The following NCKAP5L variants were observed in gnomAD, a reference collection of about 807,000 sequenced individuals.
NCKAP5L encodes nck-associated protein 5-like.
Under a neutral mutation model 103.2 loss-of-function variants are expected in NCKAP5L, and 54 were observed. That is an observed-to-expected ratio of 0.52 (90% CI 0.42 to 0.66). NCKAP5L has a LOEUF of 0.66. Ranked by LOEUF, NCKAP5L falls within the 30% of genes least tolerant of loss-of-function variation. NCKAP5L has a pLI of 0.00. For missense variants in NCKAP5L, 1,733 were observed against 1,750.6 expected (o/e 0.99, Z 0.18); for synonymous variants, 762 against 748.6 (o/e 1.02, Z -0.29).
At chr12:49,826,919 T>G (rs1013124416) in intron 1 of NCKAP5L, among the ~76,000 whole-genome samples, 8 of 152,154 alleles carry the variant, frequency 5.3e-5, no homozygotes, top group African/African-American at 1.9e-4. Flanking sequence ...AGCCACCTCA[T>G]GCACAGACCA....
At chr12:49,803,483 G>A (rs562868383) in intron 3 of NCKAP5L, among the ~76,000 whole-genome samples, 1 of 152,290 alleles carries the variant, frequency 6.6e-6, no homozygotes, top group East Asian at 1.9e-4. Context: ...TGGGAGACGG[G>A]CAGAGGAGGC....
rs772255764 is a variant in NCKAP5L, at chr12:49,795,956, C to T, written c.1904G>A (p.Arg635His). 28 of 1,530,410 alleles carry T rather than the reference C, an allele frequency of 1.8e-5. No individual in the cohort carries two copies. The highest frequency in any genetic ancestry group is 2.3e-5 in the Admixed American group (1 of 44,022). 94.8% of individuals were successfully genotyped at this position (1,530,410 alleles called of 1,614,324 possible). A position where few individuals can be genotyped will look rare whatever the true frequency, so the allele number is the denominator to read the frequency against. Residue 635 changes from arginine to histidine, a missense_variant, in exon 8 of 13, where the codon CGC (arginine) becomes CAC (histidine). Coordinates refer to ENST00000335999, the MANE Select transcript of NCKAP5L (RefSeq NM_001037806.4). Reference protein sequence around the residue: ...KAGSESPHPGRRTPGNSSKKP... With the variant: ...KAGSESPHPGHRTPGNSSKKP... The stretch of plus-strand genomic sequence containing the variant: ...CTTGGATGAGTTGCCTGGGGTCCTG[C>T]GGCCGGGATGGGGAGACTCCGAGCC...
Position 49,793,822 on chromosome 12 carries a change from G to A in NCKAP5L, c.3170C>T (p.Ser1057Phe), listed in dbSNP as rs768180651. 2 of 1,594,602 alleles carry A rather than the reference G, an allele frequency of 1.3e-6. No homozygotes were observed. Among genetic ancestry groups the A allele is most frequent in the Non-Finnish European group, 1.7e-6 (2 of 1,170,942 alleles). Residue 1057 changes from serine to phenylalanine, a missense_variant, in exon 9 of 13, where the codon TCT becomes TTT. By Grantham distance (155) the Ser-to-Phe change is radical. Transcript: ENST00000335999. Reference protein sequence around the residue: ...KPEYGDFQPVSSDPKSPWPAC... With the variant: ...KPEYGDFQPVFSDPKSPWPAC... The stretch of plus-strand genomic sequence containing the variant: ...TGGCCAGGGGCTCTTGGGGTCAGAA[G>A]ACACCGGCTGGAAATCCCCGTACTC...
At chr12:49,808,228 G>A (rs957591438) in intron 1 of NCKAP5L, among the ~76,000 whole-genome samples, 1 of 152,198 alleles carries the variant, frequency 6.6e-6, no homozygotes. Flanking sequence ...GAGAATGGGG[G>A]AGACCCTCCG....
At chr12:49,807,028 A>G (rs1946188051) in intron 1 of NCKAP5L, among the ~76,000 whole-genome samples, 2 of 152,128 alleles carry the variant, frequency 1.3e-5, no homozygotes, top group Admixed American at 1.3e-4. Context: ...TCCGAGTCCC[A>G]GGGCCCTTAC....
chr12:49,793,310 G>A (rs768069372), intron 10 of NCKAP5L, 42 bp downstream of exon 10: 7 of 1,565,232 alleles, frequency 4.5e-6, no homozygotes, highest in Non-Finnish European at 5.2e-6. Context: ...AGTGGGTAGG[G>A]GGGTGGGGGC....
intron 6 of NCKAP5L, 94 bp from the exon 7 acceptor site, chr12:49,798,557 T>G: frequency 9.7e-7 from 1 of 1,031,246 alleles, no homozygotes; most frequent in Non-Finnish European, 1.5e-6. Flanking sequence ...AGTCCGCTCC[T>G]TCACGGAGGA....
chr12:49,803,052 A>G, intron 4 of NCKAP5L, 45 bp downstream of exon 4: 1 of 1,614,118 alleles, frequency 6.2e-7, no homozygotes, highest in Non-Finnish European at 8.5e-7. Context: ...TTCTGCCAGG[A>G]GCAGATGAGC....
In NCKAP5L at chr12:49,796,866, G is replaced by A. The variant is rs1946056303; in HGVS notation, c.994C>T (p.Leu332Phe). The change falls in exon 8 of 13, where the codon CTT becomes TTT. Residue 332 changes from leucine (L) to phenylalanine (F), a missense_variant. Physicochemically the swap from Leu to Phe is conservative, Grantham distance 22 (BLOSUM62 0). Transcript: ENST00000335999. ...ARRQLNLGQL[L>F]EDTESYLQAF... ...TGTAGGTAAGACTCTGTGTCCTCAA[G>A]GAGCTGGCCCAGGTTCAACTGTCTG... is the stretch of plus-strand genomic sequence containing the variant. 6.2e-7 allele frequency: 1 copy of A among 1,612,722 alleles called. No homozygotes were observed. Among genetic ancestry groups the A allele is most frequent in the Non-Finnish European group, 8.5e-7 (1 of 1,179,688 alleles).
Position 49,796,550 on chromosome 12 carries a change from C to G in NCKAP5L, c.1310G>C (p.Gly437Ala). ...SSQVKSKLQI[G>A]PPSPGEAQGP... is the part of the protein sequence containing the mutation. ...CTGAGCTTCCCCAGGAGAAGGGGGG[C>G]CAATTTGGAGCTTGCTTTTCACCTG... is the stretch of plus-strand genomic sequence containing the variant. Residue 437 changes from glycine to alanine, a missense_variant, in exon 8 of 13, where the codon GGC becomes GCC. By Grantham distance (60) the Gly-to-Ala change is moderately conservative. Transcript: ENST00000335999. The G allele has an allele frequency of 6.3e-7, 1 of 1,590,326 alleles. No homozygotes were observed. Among genetic ancestry groups the G allele is most frequent in the Non-Finnish European group, 8.5e-7 (1 of 1,170,294 alleles).
In NCKAP5L at chr12:49,794,864, C is replaced by T. The variant is rs376968193; in HGVS notation, c.2996G>A (p.Gly999Asp). Residue 999 changes from glycine to aspartate, a missense_variant, in exon 8 of 13, where the codon GGC becomes GAC. Transcript: ENST00000335999. ...CCCCGTGTTGGGCCCTGGGGCTGGG[C>T]CACCAGGCCGTGGCCGGGCCCGGCT... ...LSSRARPRPG[G>D]PAPGPNTGLG... 1.1e-5 allele frequency: 16 copies of T among 1,501,258 alleles called. No individual in the cohort carries two copies. Among genetic ancestry groups the T allele is most frequent in the Middle Eastern group, 1.8e-4 (1 of 5,700 alleles). 93.0% of individuals were successfully genotyped at this position (1,501,258 alleles called of 1,614,324 possible).
chr12:49,814,160 T>TTATATTTA (rs1946271349), intron 1 of NCKAP5L, among the ~76,000 whole-genome samples: 1 of 124,640 alleles, frequency 8.0e-6, no homozygotes, highest in Non-Finnish European at 1.6e-5. Context: ...TATTTTATAT[T>TTATATTTA]TATATATATA....
intron 1 of NCKAP5L, among the ~76,000 whole-genome samples, chr12:49,827,727 C>T (rs1946434658): frequency 6.6e-6 from 1 of 152,256 alleles, no homozygotes; most frequent in South Asian, 2.1e-4. Context: ...GTCCTTCCTC[C>T]TTCCCGCAGC....
Position 49,796,311 on chromosome 12 carries a change from G to C in NCKAP5L, c.1549C>G (p.Gln517Glu), listed in dbSNP as rs1225768679. ...GGTGAAGGGCTGGTGGGCAGGCCTT[G>C]CGCCCCCTCTGGGGACAGCTCTCCT... ...GGGELSPEGA[Q>E]GLPTSPSPCY... Residue 517 changes from glutamine to glutamate, a missense_variant, in exon 8 of 13, where the codon CAA (glutamine) becomes GAA (glutamate). By Grantham distance (29) the Gln-to-Glu change is conservative. Coordinates refer to ENST00000335999, the MANE Select transcript of NCKAP5L (RefSeq NM_001037806.4). 27 of 1,544,732 alleles carry C rather than the reference G, an allele frequency of 1.7e-5. 1 individual carries two copies. The East Asian group carries it at 6.1e-4, about 35-fold the overall frequency.
At chr12:49,817,045 C>T (rs577269008) in intron 1 of NCKAP5L, among the ~76,000 whole-genome samples, 15 of 151,852 alleles carry the variant, frequency 9.9e-5, no homozygotes, top group East Asian at 3.9e-4. Context: ...ATGTTAACAA[C>T]GAACTACCTA....
At chr12:49,825,777 A>G (rs1273042877) in intron 1 of NCKAP5L, among the ~76,000 whole-genome samples, 1 of 152,182 alleles carries the variant, frequency 6.6e-6, no homozygotes, top group East Asian at 1.9e-4. Context: ...GAGCCAGCAG[A>G]GGGAAAAGTA....
rs1946124863 is a variant in NCKAP5L at position 49,801,962 on chromosome 12, C to A, written c.237G>T (p.Leu79=). The A allele has an allele frequency of 2.5e-6, 4 of 1,613,806 alleles. No homozygotes were observed. Among genetic ancestry groups the A allele is most frequent in the African/African-American group, 2.7e-5 (2 of 75,052 alleles). Residue 79 remains leucine, a synonymous_variant, in exon 6 of 13, where the codon CTG becomes CTT. Coordinates refer to ENST00000335999, the MANE Select transcript of NCKAP5L (RefSeq NM_001037806.4). ...VVQALLNQKD[L]REECIKLKKR... is the part of the protein sequence containing the mutation. ...TCTTCAGCTTGATGCACTCCTCTCGCAGGTCCTGCCGCCCACCCCGGGAAG... is the reference window on the plus strand; with the variant it reads ...TCTTCAGCTTGATGCACTCCTCTCGAAGGTCCTGCCGCCCACCCCGGGAAG...
At position 49,795,533 on chromosome 12, in the gene NCKAP5L, T is replaced by C; in HGVS notation, c.2327A>G (p.Glu776Gly). 1 of 1,533,148 alleles carries C rather than the reference T, an allele frequency of 6.5e-7. No individual in the cohort carries two copies. Among genetic ancestry groups the C allele is most frequent in the Non-Finnish European group, 8.7e-7 (1 of 1,144,286 alleles). The allele number at this position is 1,533,148 out of a possible 1,614,324, so 95.0% of individuals were successfully genotyped here. Residue 776 changes from glutamate to glycine, a missense_variant, in exon 8 of 13, where the codon GAG (glutamate) becomes GGG (glycine). Transcript: ENST00000335999. ...CCCTGCCAGCCGGCTCTTGGCCAGC[T>C]CCACTTTGGTGAGGCAGCTCCTTGG... ...VSPRSCLTKV[E>G]LAKSRLAGAL...
At position 49,796,492 on chromosome 12, in the gene NCKAP5L, G is replaced by C. The variant is rs1592748919; in HGVS notation, c.1368C>G (p.Leu456=). 6.5e-7 allele frequency: 1 copy of C among 1,536,554 alleles called. No homozygotes were observed. ...GPLLPSPARG[L]KFLKLPPTSE... ...AGGTTGGAGGCAGCTTTAGAAACTT[G>C]AGACCCCTAGCTGGAGAGGGCAGAA... The change falls in exon 8 of 13, where the codon CTC becomes CTG. Residue 456 remains leucine (L), a synonymous_variant. Coordinates refer to ENST00000335999, the MANE Select transcript of NCKAP5L (RefSeq NM_001037806.4).
Sources: allele counts gnomAD v4.1 joint callset (sites outside exome capture counted in the v4.1 genomes callset), GRCh38; gene constraint gnomAD v4.1.1; transcripts MANE v1.5; gene names NCBI Gene and HGNC (gene_info 2026-07-23, HGNC 2026-07-21).